Variants in PACSIN2 observed in about 807,000 individuals in gnomAD.
PACSIN2 encodes protein kinase C and casein kinase substrate in neurons 2.
In PACSIN2, 25 loss-of-function variants were observed where a neutral mutation model predicts 63.8. The observed-to-expected ratio is 0.39, with a 90% CI of 0.29 to 0.55. PACSIN2 has a LOEUF of 0.55. Ranked by LOEUF, PACSIN2 falls within the 20% of genes least tolerant of loss-of-function variation. The pLI, the probability that PACSIN2 is intolerant of heterozygous loss-of-function variation, is 0.62. For missense variants in PACSIN2, 518 were observed against 646.9 expected (o/e 0.80, Z 2.16); for synonymous variants, 255 against 256.2 (o/e 1.00, Z 0.05).
chr22:42,921,485 T>C (rs527315938), intron 1 of PACSIN2, among the ~76,000 whole-genome samples: 1 of 152,068 alleles, frequency 6.6e-6, no homozygotes, highest in African/African-American at 2.4e-5. Context: ...CACTCTCCCA[T>C]TTAGGGGAAG....
intron 1 of PACSIN2, among the ~76,000 whole-genome samples, chr22:42,996,480 C>T (rs905729933): frequency 1.4e-5 from 2 of 146,858 alleles, no homozygotes; most frequent in Non-Finnish European, 3.0e-5. Context: ...TGCAGTGAGC[C>T]AAGATCGAGC....
In PACSIN2 at chr22:42,871,558, A is replaced by AGGGTGGAG; in HGVS notation, c.1349-97_1349-90dup. 1.0e-6 allele frequency: 1 copy of AGGGTGGAG among 1,002,982 alleles called. No individual in the cohort carries two copies. Among genetic ancestry groups the AGGGTGGAG allele is most frequent in the Admixed American group, 1.7e-5 (1 of 57,440 alleles). The allele number at this position is 1,002,982 out of a possible 1,614,324, so 62.1% of individuals were successfully genotyped here. A position where few individuals can be genotyped will look rare whatever the true frequency, so the allele number is the denominator to read the frequency against. On this transcript the variant is annotated intron_variant, in intron 10 of 10. Coordinates refer to ENST00000263246, the MANE Select transcript of PACSIN2 (RefSeq NM_001184970.3). The surrounding 1 kb of genome is among the most constrained non-coding windows in gnomAD (Gnocchi z 5.4). ...GCATTCACGAGCTTTGAGCCCACAG[A>AGGGTGGAG]GGGTGGAGGGCCAGGCATTCTGTGG...
In PACSIN2 at chr22:42,931,796, A is replaced by G. The variant is rs79032685; in HGVS notation, c.-77-19639T>C. Among the ~76,000 whole-genome samples, 383 of 152,316 alleles carry G rather than the reference A, an allele frequency of 2.5e-3. 1 individual carries two copies. The highest frequency in any genetic ancestry group is 8.9e-3 in the African/African-American group (370 of 41,556). ...TTATTATGGTTAACAACCAGGGTAT[A>G]TTCACTTACACAATCCCTCTCTTCC... On this transcript the variant is annotated intron_variant, in intron 1 of 10. Coordinates refer to ENST00000263246, the MANE Select transcript of PACSIN2 (RefSeq NM_001184970.3).
intron 1 of PACSIN2, among the ~76,000 whole-genome samples, chr22:42,964,254 C>A (rs2146855609): frequency 6.6e-6 from 1 of 152,118 alleles, no homozygotes; most frequent in South Asian, 2.1e-4. Flanking sequence ...CCTGTCTCCA[C>A]TAAAAGTACA....
At chr22:42,876,738 G>A in intron 9 of PACSIN2, 150 bp downstream of exon 9, 2 of 908,924 alleles carry the variant, frequency 2.2e-6, no homozygotes, top group South Asian at 1.5e-5. Flanking sequence ...CAGAGAGCAG[G>A]TAGTGGGCCA....
intron 1 of PACSIN2, among the ~76,000 whole-genome samples, chr22:42,935,270 C>T (rs532522999): frequency 9.9e-5 from 15 of 152,200 alleles, no homozygotes; most frequent in Admixed American, 7.8e-4. Context: ...GCAGTGTCTG[C>T]GCCATATTCC....
intron 1 of PACSIN2, among the ~76,000 whole-genome samples, chr22:42,956,551 T>A (rs907448593): frequency 1.3e-5 from 2 of 152,224 alleles, no homozygotes; most frequent in African/African-American, 2.4e-5. Context: ...TATCTCACCA[T>A]ACTGACACAC....
chr22:42,966,921 G>A (rs943893971), intron 1 of PACSIN2, among the ~76,000 whole-genome samples: 2 of 152,194 alleles, frequency 1.3e-5, no homozygotes, highest in African/African-American at 4.8e-5. Flanking sequence ...TTATCGGTGT[G>A]ATTTTTTTCC....
chr22:42,930,320 C>A (rs1184383707), intron 1 of PACSIN2, among the ~76,000 whole-genome samples: 1 of 152,210 alleles, frequency 6.6e-6, no homozygotes, highest in Non-Finnish European at 1.5e-5. Flanking sequence ...TGCCCCAATT[C>A]CACAGCCACA....
chr22:42,882,800 C>T (rs1318317061), intron 6 of PACSIN2, among the ~76,000 whole-genome samples: 5 of 152,168 alleles, frequency 3.3e-5, no homozygotes, highest in African/African-American at 4.8e-5. Context: ...CAGCCATCAT[C>T]GGCTCACCTT....
intron 1 of PACSIN2, among the ~76,000 whole-genome samples, chr22:42,935,028 G>C (rs920678282): frequency 1.3e-5 from 2 of 151,182 alleles, no homozygotes; most frequent in Middle Eastern, 3.5e-3. Flanking sequence ...CCATTCTCCT[G>C]CCTCAGCCTC....
chr22:43,001,836 A>G (rs575336130), intron 1 of PACSIN2, among the ~76,000 whole-genome samples: 4 of 152,294 alleles, frequency 2.6e-5, no homozygotes, highest in Admixed American at 2.6e-4. Context: ...GAGGGGACCC[A>G]GGGGTAAGCA....
In PACSIN2 at chr22:42,942,858, TTC is replaced by T. The variant is rs144789952; in HGVS notation, c.-77-30703_-77-30702del. ...GGGAAGTGTGAGCCCTCCAACTTTG[TTC>T]TCTGACTTTTCAAAACTGTTCTGAC... On this transcript the variant is annotated intron_variant, in intron 1 of 10. Coordinates refer to ENST00000263246, the MANE Select transcript of PACSIN2 (RefSeq NM_001184970.3). 7.8e-3 allele frequency among the ~76,000 whole-genome samples: 1,190 copies of T among 152,334 alleles called. 11 individuals carry two copies. Among genetic ancestry groups the T allele is most frequent in the African/African-American group, 0.026 (1,066 of 41,570 alleles).
At chr22:42,971,979 CT>C (rs1213402076) in intron 1 of PACSIN2, among the ~76,000 whole-genome samples, 1 of 152,162 alleles carries the variant, frequency 6.6e-6, no homozygotes, top group Non-Finnish European at 1.5e-5. Flanking sequence ...AGGAGCCCCT[CT>C]GCCCGGCCGC....
At chr22:42,993,590 A>G (rs1923195649) in intron 1 of PACSIN2, 1 of 152,228 alleles carries the variant, frequency 6.6e-6, no homozygotes, top group South Asian at 2.1e-4. Flanking sequence ...ATACAGAAAG[A>G]GCCCTTCCCA....
At position 42,965,904 on chromosome 22, in the gene PACSIN2, TATAATCATAAATAAATAA is replaced by T. The variant is rs1433147640; in HGVS notation, c.-78+49099_-78+49116del. 3.2e-3 allele frequency among the ~76,000 whole-genome samples: 470 copies of T among 149,138 alleles called. 1 individual carries two copies. The highest frequency in any genetic ancestry group is 5.3e-3 in the Non-Finnish European group (359 of 67,636). On this transcript the variant is annotated intron_variant, in intron 1 of 10. Transcript: ENST00000263246. ...TAAATCTTAAATTCTAGAAACCTAC[TATAATCATAAATAAATAA>T]ATAATCATAAATAAATAAATAATCA... is the stretch of plus-strand genomic sequence containing the variant.
intron 2 of PACSIN2, among the ~76,000 whole-genome samples, chr22:42,901,440 C>T (rs895177369): frequency 1.3e-5 from 2 of 152,208 alleles, no homozygotes; most frequent in African/African-American, 4.8e-5. Flanking sequence ...TCGGATTTCC[C>T]AGCCCTAACA....
Position 42,905,419 on chromosome 22 carries a change from G to A in PACSIN2, c.60+6602C>T, listed in dbSNP as rs904739017. On this transcript the variant is annotated intron_variant, in intron 2 of 10. Coordinates refer to ENST00000263246, the MANE Select transcript of PACSIN2 (RefSeq NM_001184970.3). ...TGGCCTTGCCATGCAGGTGTCCTGT[G>A]ACCTCAGACAAAATAAACTCTGGGT... Among the ~76,000 whole-genome samples the A allele has an allele frequency of 2.2e-4, 34 of 152,242 alleles. 1 individual carries two copies. The highest frequency in any genetic ancestry group is 1.6e-3 in the Admixed American group (25 of 15,284).
chr22:42,985,398 G>C lies in PACSIN2; in HGVS notation c.-78+29623C>G, dbSNP rs1352590390. 2.0e-5 allele frequency among the ~76,000 whole-genome samples: 3 copies of C among 152,224 alleles called. No individual in the cohort carries two copies. In the East Asian group the frequency reaches 5.8e-4, roughly 29 times the overall value. ...TGGCTGTCTCCCACAAGCCATTCCT[G>C]ATGGGCTCCACGTTCTGCCCACAAG... On this transcript the variant is annotated intron_variant, in intron 1 of 10. Coordinates refer to ENST00000263246, the MANE Select transcript of PACSIN2 (RefSeq NM_001184970.3).
Sources: gnomAD v4.1 joint callset for allele counts (sites outside exome capture counted in the v4.1 genomes callset) on GRCh38, gnomAD v4.1.1 for gene constraint, Gnocchi (gnomAD v3.1) non-coding constraint, MANE v1.5 for transcripts, NCBI Gene and HGNC (gene_info 2026-07-23, HGNC 2026-07-21) for gene names.